CC2D2B: variants seen among roughly 807,000 people sequenced by gnomAD.
The protein encoded by CC2D2B is protein CC2D2B.
A neutral mutation model predicts 161.2 loss-of-function variants in CC2D2B; 128 were observed. That is an observed-to-expected ratio of 0.79 (90% CI 0.69 to 0.92). CC2D2B has a LOEUF of 0.92. Among genes scored for constraint, CC2D2B ranks in the 40% least tolerant of loss-of-function variants. The pLI, the probability that CC2D2B is intolerant of heterozygous loss-of-function variation, is 0.00. For synonymous variants in CC2D2B, 391 were observed against 449.8 expected (o/e 0.87, Z 1.65); for missense variants, 1,173 against 1,375.1 (o/e 0.85, Z 2.32).
intron 20 of CC2D2B, 104 bp from the exon 21 acceptor site, chr10:95,991,266 T>C (rs2141666063): frequency 2.8e-6 from 1 of 359,868 alleles, no homozygotes; most frequent in Non-Finnish European, 4.9e-6. Flanking sequence ...CATTCATTGC[T>C]TGCAAAAATT....
intron 6 of CC2D2B, among the ~76,000 whole-genome samples, chr10:95,931,221 C>T (rs1016935689): frequency 1.3e-5 from 2 of 152,150 alleles, no homozygotes; most frequent in African/African-American, 4.8e-5. Context: ...TCTGTGGGAT[C>T]AGTGGTGACA....
intron 34 of CC2D2B, among the ~76,000 whole-genome samples, chr10:96,031,539 T>C (rs1251563940): frequency 6.6e-5 from 10 of 152,146 alleles, no homozygotes; most frequent in Admixed American, 2.0e-4. Context: ...TCTAGAAAGT[T>C]TGTGGAATGT....
At chr10:96,027,152 A>C (rs2079819382) in intron 33 of CC2D2B, 60 bp from the exon 34 acceptor site, 6 of 1,203,598 alleles carry the variant, frequency 5.0e-6, no homozygotes, top group Middle Eastern at 2.0e-4. Flanking sequence ...CAAAACTCTT[A>C]TTATATTTAC....
chr10:95,915,532 C>T (rs1270978509), intron 2 of CC2D2B, among the ~76,000 whole-genome samples: 1 of 152,180 alleles, frequency 6.6e-6, no homozygotes, highest in Non-Finnish European at 1.5e-5. Flanking sequence ...ATAACATTAG[C>T]TGTGGGTCTG....
intron 25 of CC2D2B, among the ~76,000 whole-genome samples, chr10:96,007,121 C>A (rs996407848): frequency 6.6e-5 from 10 of 152,046 alleles, no homozygotes; most frequent in Non-Finnish European, 1.0e-4. Flanking sequence ...TATTTCATCA[C>A]CCAGGTATTA....
At chr10:95,976,382 A>G (rs1032733992) in intron 17 of CC2D2B, among the ~76,000 whole-genome samples, 1 of 152,230 alleles carries the variant, frequency 6.6e-6, no homozygotes, top group Non-Finnish European at 1.5e-5. Flanking sequence ...TGGAAACTCA[A>G]GCTTACAAAA....
At chr10:95,955,026 C>T (rs2076526862) in intron 10 of CC2D2B, among the ~76,000 whole-genome samples, 1 of 152,002 alleles carries the variant, frequency 6.6e-6, no homozygotes, top group Non-Finnish European at 1.5e-5. Flanking sequence ...TGGATAAAGA[C>T]AGACATATAT....
intron 6 of CC2D2B, among the ~76,000 whole-genome samples, chr10:95,929,598 TCAGTTTTCGGCATATGGCTAAC>T (rs2098546021): frequency 6.6e-6 from 1 of 152,228 alleles, no homozygotes; most frequent in African/African-American, 2.4e-5. Flanking sequence ...GGGTCCAGTT[TCAGTTTTCGGCATATGGCTAAC>T]CAGTTTTCCC....
At position 95,923,583 on chromosome 10, in the gene CC2D2B, T is replaced by G. The variant is rs1046052973; in HGVS notation, c.98-731T>G. ...TATTAGTATACTTCACAGAGATGTC[T>G]CACAGATTTTTAAAATCTGAGCTTT... is the stretch of plus-strand genomic sequence containing the variant. On this transcript the variant is annotated intron_variant, in intron 3 of 34. Coordinates refer to ENST00000646931, the MANE Select transcript of CC2D2B (RefSeq NM_001349008.3). Among the ~76,000 whole-genome samples, 12 of 152,248 alleles carry G rather than the reference T, an allele frequency of 7.9e-5. 1 individual carries two copies. The East Asian group carries it at 2.3e-3, about 29-fold the overall frequency.
chr10:95,936,293 T>C (rs2075818622), intron 6 of CC2D2B, among the ~76,000 whole-genome samples: 1 of 152,188 alleles, frequency 6.6e-6, no homozygotes, highest in Non-Finnish European at 1.5e-5. Flanking sequence ...GTGACTACTG[T>C]CCCCATCACA....
chr10:95,995,866 T>A (rs2078212080), intron 23 of CC2D2B, among the ~76,000 whole-genome samples: 1 of 152,266 alleles, frequency 6.6e-6, no homozygotes, highest in African/African-American at 2.4e-5. Flanking sequence ...TTTCTCTTAT[T>A]TCTCACATTT....
chr10:95,926,659 A>G (rs962953978), intron 5 of CC2D2B, among the ~76,000 whole-genome samples: 1 of 152,012 alleles, frequency 6.6e-6, no homozygotes, highest in Non-Finnish European at 1.5e-5. Context: ...TCATTTTAAT[A>G]TATGTGTGTG....
intron 18 of CC2D2B, 123 bp downstream of exon 18, chr10:95,982,236 A>C (rs2077555386): frequency 1.9e-5 from 11 of 574,102 alleles, no homozygotes; most frequent in Non-Finnish European, 2.8e-5. Context: ...ATGTAAAAGT[A>C]AATCTGAGGA....
chr10:95,947,118 T>G (rs1351249264), intron 9 of CC2D2B, among the ~76,000 whole-genome samples: 1 of 43,356 alleles, frequency 2.3e-5, no homozygotes, highest in East Asian at 3.5e-4. Context: ...TATATATTTT[T>G]TTTTTTTTTT....
rs147277304 is a variant in CC2D2B at position 95,995,322 on chromosome 10, G to A, written c.2696G>A (p.Arg899Lys). The change falls in exon 23 of 35, where the codon AGA becomes AAA. Residue 899 changes from arginine to lysine, a missense_variant. By Grantham distance (26) the Arg-to-Lys change is conservative (BLOSUM62 2). Coordinates refer to ENST00000646931, the MANE Select transcript of CC2D2B (RefSeq NM_001349008.3). ...LKSSISCLRH[R>K]ETIKSVASDE... ...TCATCTATATCTTGCCTCAGACATA[G>A]AGAAACAATCAAATCAGTAGCCTCA... 1.3e-6 allele frequency: 2 copies of A among 1,532,158 alleles called. No individual in the cohort carries two copies. Among genetic ancestry groups the A allele is most frequent in the South Asian group, 2.4e-5 (2 of 83,296 alleles). The allele number at this position is 1,532,158 out of a possible 1,614,324, so 94.9% of individuals were successfully genotyped here.
At chr10:95,912,765 A>G (rs1192268459) in intron 2 of CC2D2B, among the ~76,000 whole-genome samples, 1 of 152,090 alleles carries the variant, frequency 6.6e-6, no homozygotes, top group Admixed American at 6.5e-5. Flanking sequence ...TAACTCTTGG[A>G]TTTTATCATT....
At chr10:95,956,432 A>G (rs960034294) in intron 11 of CC2D2B, among the ~76,000 whole-genome samples, 11 of 152,180 alleles carry the variant, frequency 7.2e-5, no homozygotes, top group African/African-American at 2.2e-4. Context: ...GCTTGAAAAT[A>G]TGATCTACAA....
chr10:96,020,291 G>C (rs2079396391), intron 32 of CC2D2B: 1 of 153,298 alleles, frequency 6.5e-6, no homozygotes, highest in African/African-American at 2.4e-5. Flanking sequence ...ATCTGAAAAT[G>C]CTTCATGAAA....
intron 31 of CC2D2B, 32 bp from the exon 32 acceptor site, chr10:96,019,670 C>G: frequency 2.0e-6 from 3 of 1,536,768 alleles, no homozygotes; most frequent in Non-Finnish European, 2.6e-6. Context: ...TTCCTATGGA[C>G]CTACACTAAT....
Sources: gnomAD v4.1 joint callset for allele counts (sites outside exome capture counted in the v4.1 genomes callset) on GRCh38, gnomAD v4.1.1 for gene constraint, MANE v1.5 for transcripts, NCBI Gene and HGNC (gene_info 2026-07-23, HGNC 2026-07-21) for gene names.